SUMF1: variants seen among roughly 807,000 people sequenced by gnomAD.
The protein encoded by SUMF1 is sulfatase modifying factor 1.
In SUMF1, 48 loss-of-function variants were observed where a neutral mutation model predicts 47.6. The observed-to-expected ratio is 1.01, with a 90% CI of 0.80 to 1.28. The LOEUF (loss-of-function observed/expected upper bound fraction) is 1.28. Among genes scored for constraint, SUMF1 ranks in the 50% most tolerant of loss-of-function variants. The pLI, the probability that SUMF1 is intolerant of heterozygous loss-of-function variation, is 0.00. For missense variants in SUMF1, 571 were observed against 485.4 expected (o/e 1.18, Z -1.66); for synonymous variants, 230 against 192.1 (o/e 1.20, Z -1.63).
chr3:4,210,603 A>C (rs1281027832), intron 8 of SUMF1, among the ~76,000 whole-genome samples: 2 of 152,146 alleles, frequency 1.3e-5, no homozygotes, highest in African/African-American at 4.8e-5. Flanking sequence ...TAAATTCCAC[A>C]ATGCACAAAA....
At chr3:4,382,154 C>T (rs971393159) in intron 7 of SUMF1, among the ~76,000 whole-genome samples, 1 of 152,070 alleles carries the variant, frequency 6.6e-6, no homozygotes, top group East Asian at 1.9e-4. Flanking sequence ...TGAAGATCCT[C>T]GTAACGGATG....
chr3:4,303,446 G>C (rs1431209213), intron 8 of SUMF1: 1 of 1,547,282 alleles, frequency 6.5e-7, no homozygotes, highest in African/African-American at 1.4e-5. Context: ...GGCCCCGACT[G>C]AGCAGCTGGA....
chr3:4,403,371 T>C (rs573995094), intron 7 of SUMF1, among the ~76,000 whole-genome samples: 3 of 152,098 alleles, frequency 2.0e-5, no homozygotes, highest in Non-Finnish European at 2.9e-5. Context: ...TATTTGCATC[T>C]ATCAGACAAC....
chr3:4,313,514 T>C, intron 8 of SUMF1: 3 of 1,613,906 alleles, frequency 1.9e-6, no homozygotes, highest in Non-Finnish European at 2.5e-6. Context: ...GAAGAAGAAC[T>C]CTCTTATGAT....
chr3:4,209,933 C>T (rs11922846), intron 8 of SUMF1, among the ~76,000 whole-genome samples: 7,163 of 152,180 alleles, frequency 0.047, 465 homozygotes, highest in East Asian at 0.18. Context: ...CTCACTCTGT[C>T]ACCCAGGCTG....
chr3:4,323,464 T>C (rs1049815244), intron 8 of SUMF1, among the ~76,000 whole-genome samples: 3 of 152,162 alleles, frequency 2.0e-5, no homozygotes, highest in Non-Finnish European at 4.4e-5. Context: ...CTAGAATTAG[T>C]TGTGATGGTT....
chr3:4,267,178 A>G (rs1697212803), intron 8 of SUMF1, among the ~76,000 whole-genome samples: 1 of 152,072 alleles, frequency 6.6e-6, no homozygotes, highest in African/African-American at 2.4e-5. Context: ...ATATTGGTCT[A>G]AAATTCTCTT....
chr3:4,269,068 A>G (rs912481110), intron 8 of SUMF1, among the ~76,000 whole-genome samples: 1 of 152,292 alleles, frequency 6.6e-6, no homozygotes, highest in South Asian at 2.1e-4. Context: ...TACCTCTGGA[A>G]ACACCACCCA....
At chr3:4,265,649 G>T (rs1575035148) in intron 8 of SUMF1, among the ~76,000 whole-genome samples, 2 of 151,728 alleles carry the variant, frequency 1.3e-5, no homozygotes, top group Non-Finnish European at 2.9e-5. Flanking sequence ...AGATGAGTAG[G>T]TTGCGAAAAT....
chr3:4,245,535 C>G (rs1696644147), intron 8 of SUMF1, among the ~76,000 whole-genome samples: 1 of 152,122 alleles, frequency 6.6e-6, no homozygotes, highest in South Asian at 2.1e-4. Context: ...AGGTCCACTC[C>G]CAATCCTGTT....
chr3:4,103,164 C>G (rs946235683), intron 8 of SUMF1, among the ~76,000 whole-genome samples: 10 of 151,604 alleles, frequency 6.6e-5, no homozygotes, highest in Non-Finnish European at 4.4e-5. Flanking sequence ...CTCAAGTGAT[C>G]CACCTGCCTC....
chr3:4,280,513 C>A (rs999629868), intron 8 of SUMF1, among the ~76,000 whole-genome samples: 1 of 151,698 alleles, frequency 6.6e-6, no homozygotes, highest in Non-Finnish European at 1.5e-5. Context: ...AACACAGAGG[C>A]AGGAACCCCT....
chr3:4,134,587 A>G (rs1445891171), intron 8 of SUMF1, among the ~76,000 whole-genome samples: 1 of 152,154 alleles, frequency 6.6e-6, no homozygotes, highest in African/African-American at 2.4e-5. Flanking sequence ...ACACATTCAA[A>G]AGCAGAAGGC....
At position 4,059,144 on chromosome 3, in the gene SUMF1, C is replaced by T. The variant is rs148965293; in HGVS notation, c.1191+9425G>A. On this transcript the variant is annotated intron_variant and NMD_transcript_variant, in intron 9 of 12. Transcript: ENST00000448413. Reference sequence around the variant, plus strand: ...CCTATAGAAAAATCCCACCAATATACTTGTGTTTAAAAAAATAAAAAGGCG... The same window carrying T: ...CCTATAGAAAAATCCCACCAATATATTTGTGTTTAAAAAAATAAAAAGGCG... Among the ~76,000 whole-genome samples the T allele has an allele frequency of 6.6e-3, 1,002 of 152,082 alleles. 4 individuals carry two copies. Among genetic ancestry groups the T allele is most frequent in the Non-Finnish European group, 0.011 (778 of 67,982 alleles).
At chr3:4,143,440 T>G (rs1843303) in intron 8 of SUMF1, among the ~76,000 whole-genome samples, 1 of 151,808 alleles carries the variant, frequency 6.6e-6, no homozygotes, top group Non-Finnish European at 1.5e-5. Context: ...GAAGGTCAGA[T>G]AGTAGGATTT....
chr3:4,143,736 T>TTGGG (rs1694126235), intron 8 of SUMF1, among the ~76,000 whole-genome samples: 2 of 152,080 alleles, frequency 1.3e-5, no homozygotes, highest in Non-Finnish European at 2.9e-5. Context: ...CCCAAGGTCA[T>TTGGG]AAAGCTAAGT....
chr3:4,443,488 G>T (rs1357555372), intron 3 of SUMF1, among the ~76,000 whole-genome samples: 1 of 152,132 alleles, frequency 6.6e-6, no homozygotes, highest in Non-Finnish European at 1.5e-5. Context: ...AAGAGGCCAG[G>T]CATGGTGGCT....
intron 8 of SUMF1, among the ~76,000 whole-genome samples, chr3:4,214,263 A>C (rs1213805877): frequency 1.3e-5 from 2 of 152,198 alleles, no homozygotes; most frequent in Non-Finnish European, 2.9e-5. Context: ...ACTCACTCAA[A>C]ACTGAACAAC....
At chr3:4,338,643 T>C (rs1424914859) in intron 8 of SUMF1, among the ~76,000 whole-genome samples, 3 of 152,158 alleles carry the variant, frequency 2.0e-5, no homozygotes, top group Non-Finnish European at 4.4e-5. Flanking sequence ...TCTCAAAGAA[T>C]TCATGGTCTC....
Sources: gnomAD v4.1 joint callset for allele counts (sites outside exome capture counted in the v4.1 genomes callset) on GRCh38, gnomAD v4.1.1 for gene constraint, MANE v1.5 for transcripts, NCBI Gene and HGNC (gene_info 2026-07-23, HGNC 2026-07-21) for gene names.